Variants in ALDH1L2 observed in about 807,000 individuals in gnomAD.
The protein encoded by ALDH1L2 is mitochondrial 10-formyltetrahydrofolate dehydrogenase.
A neutral mutation model predicts 111.0 loss-of-function variants in ALDH1L2; 91 were observed. The ratio of observed to expected loss-of-function variants is 0.82; its 90% CI spans 0.69 to 0.98. ALDH1L2 has a LOEUF of 0.98. Ranked by LOEUF, ALDH1L2 falls within the 50% of genes least tolerant of loss-of-function variation. ALDH1L2 has a pLI of 0.00. For missense variants in ALDH1L2, 995 were observed against 1,126.8 expected (o/e 0.88, Z 1.67); for synonymous variants, 374 against 392.6 (o/e 0.95, Z 0.56).
At chr12:105,078,114 G>A (rs1878160009) in intron 1 of ALDH1L2, among the ~76,000 whole-genome samples, 1 of 152,164 alleles carries the variant, frequency 6.6e-6, no homozygotes, top group Admixed American at 6.5e-5. Flanking sequence ...TGGCAGGGGT[G>A]TTTTATTTGG....
Position 105,026,603 on chromosome 12 carries a change from C to T in ALDH1L2, c.2658G>A (p.Lys886=). Residue 886 remains lysine, a synonymous_variant, in exon 22 of 23, where the codon AAG becomes AAA. Transcript: ENST00000258494. Reference sequence around the variant, plus strand: ...CGCCAAATGGGGCCGCCACATCTGTCTTGTTGTATGTGTTAATAAAAACAG... The same window carrying T: ...CGCCAAATGGGGCCGCCACATCTGTTTTGTTGTATGTGTTAATAAAAACAG... The part of the protein sequence containing the change: ...AGTVFINTYN[K]TDVAAPFGGV... The T allele has an allele frequency of 6.2e-7, 1 of 1,614,130 alleles. No homozygotes were observed. The highest frequency in any genetic ancestry group is 8.5e-7 in the Non-Finnish European group (1 of 1,180,006).
chr12:105,069,338 A>T (rs181276591), intron 3 of ALDH1L2, among the ~76,000 whole-genome samples: 1 of 152,300 alleles, frequency 6.6e-6, no homozygotes, highest in African/African-American at 2.4e-5. Context: ...GACAGAGCTG[A>T]TTATTAATTC....
chr12:105,030,296 T>G, intron 21 of ALDH1L2, 28 bp downstream of exon 21: 3 of 1,588,178 alleles, frequency 1.9e-6, no homozygotes, highest in Non-Finnish European at 2.6e-6. Flanking sequence ...AGTCAAAACC[T>G]AAGTTACATT....
In ALDH1L2 at chr12:105,024,357, A is replaced by C; in HGVS notation, c.*67T>G. On this transcript the variant is annotated 3_prime_UTR_variant, in exon 23 of 23. Transcript: ENST00000258494. The stretch of plus-strand genomic sequence containing the variant: ...GACACCTCCTGCCTCAACACACCCA[A>C]TCTTCTTAAGTGTGTCCAGAGTTGT... 6.3e-7 allele frequency: 1 copy of C among 1,584,738 alleles called. No individual in the cohort carries two copies.
At position 105,024,485 on chromosome 12, in the gene ALDH1L2, G is replaced by A. The variant is rs752947591; in HGVS notation, c.2717-6C>T. Reference sequence around the variant, plus strand: ...TTCATTTAGAGCTTCCTCACCTAGGGAAGAGAAAAGCAGTTGACAGACCAC... The same window carrying A: ...TTCATTTAGAGCTTCCTCACCTAGGAAAGAGAAAAGCAGTTGACAGACCAC... On this transcript the variant is annotated splice_polypyrimidine_tract_variant and splice_region_variant and intron_variant, in intron 22 of 22. Coordinates refer to ENST00000258494, the MANE Select transcript of ALDH1L2 (RefSeq NM_001034173.4). The A allele has an allele frequency of 3.1e-6, 5 of 1,613,754 alleles. No homozygotes were observed. The South Asian group carries it at 5.5e-5, about 18-fold the overall frequency.
Position 105,036,512 on chromosome 12 carries a change from TTTTATATATATATATA to T in ALDH1L2, c.2145+1575_2145+1590del, listed in dbSNP as rs1471537651. 4.3e-4 allele frequency among the ~76,000 whole-genome samples: 24 copies of T among 56,094 alleles called. 3 individuals are homozygous for T. The highest frequency in any genetic ancestry group is 1.4e-3 in the African/African-American group (23 of 16,620). The allele number at this position is 56,094 out of a possible 152,430, so 36.8% of individuals were successfully genotyped here. On this transcript the variant is annotated intron_variant, in intron 18 of 22. Coordinates refer to ENST00000258494, the MANE Select transcript of ALDH1L2 (RefSeq NM_001034173.4). ...GTATATTTATATATGTATATATATATTTTATATATATATATATATATATATATATATATATATATAT... is the reference window on the plus strand; with the variant it reads ...GTATATTTATATATGTATATATATATTATATATATATATATATATATATAT...
chr12:105,062,854 G>C (rs1877082219), intron 7 of ALDH1L2, 34 bp downstream of exon 7: 1 of 1,596,260 alleles, frequency 6.3e-7, no homozygotes, highest in Non-Finnish European at 8.5e-7. Context: ...AAAATCAAAA[G>C]GTTATTTCAT....
At chr12:105,030,271 A>G in intron 21 of ALDH1L2, 53 bp downstream of exon 21, 1 of 1,450,604 alleles carries the variant, frequency 6.9e-7, no homozygotes, top group Non-Finnish European at 9.6e-7. Flanking sequence ...GGCAAAGGGG[A>G]AAAATGACTT....
chr12:105,052,010 C>T, intron 12 of ALDH1L2, 80 bp downstream of exon 12: 4 of 1,276,350 alleles, frequency 3.1e-6, no homozygotes, highest in Admixed American at 6.5e-5. Context: ...GAATTTGAGA[C>T]CAGCCTGGCC....
intron 15 of ALDH1L2, among the ~76,000 whole-genome samples, chr12:105,046,507 A>T (rs1001228316): frequency 6.6e-6 from 1 of 151,914 alleles, no homozygotes; most frequent in Non-Finnish European, 1.5e-5. Context: ...TATTATGAAA[A>T]TTTTAAATTG....
chr12:105,040,825 A>G (rs1875486710), intron 15 of ALDH1L2, 131 bp from the exon 16 acceptor site: 2 of 738,748 alleles, frequency 2.7e-6, no homozygotes, highest in South Asian at 1.8e-5. Flanking sequence ...TTTTTTTGCC[A>G]TAATTTCAGA....
chr12:105,036,515 TATA>T (rs1875131440), intron 18 of ALDH1L2, among the ~76,000 whole-genome samples: 3 of 3,234 alleles, frequency 9.3e-4, no homozygotes, highest in Non-Finnish European at 1.4e-3. Context: ...ATATATATTT[TATA>T]TATATATATA....
intron 2 of ALDH1L2, among the ~76,000 whole-genome samples, chr12:105,073,410 A>AGGGG (rs1201418823): frequency 2.4e-5 from 1 of 42,238 alleles, no homozygotes; most frequent in Non-Finnish European, 7.8e-5. Context: ...ACAAATGGAA[A>AGGGG]GGGGGTCCTG....
In ALDH1L2 at chr12:105,065,674, T is replaced by A. The variant is rs555276078; in HGVS notation, c.697-318A>T. Among the ~76,000 whole-genome samples the A allele has an allele frequency of 1.7e-3, 258 of 152,156 alleles. 2 individuals carry two copies. The highest frequency in any genetic ancestry group is 5.7e-3 in the African/African-American group (236 of 41,520). On this transcript the variant is annotated intron_variant, in intron 5 of 22. Transcript: ENST00000258494. ...TGTTGGGTTTTTATTAGGTTGAACTTTTTTTTGAAGTTCCCACCTCTGTTA... is the reference window on the plus strand; with the variant it reads ...TGTTGGGTTTTTATTAGGTTGAACTATTTTTTGAAGTTCCCACCTCTGTTA...
chr12:105,079,657 T>C (rs1878241200), intron 1 of ALDH1L2, among the ~76,000 whole-genome samples: 1 of 152,174 alleles, frequency 6.6e-6, no homozygotes, highest in Non-Finnish European at 1.5e-5. Flanking sequence ...CAGAATTTAC[T>C]ATAATATTTT....
rs116232826 is a variant in ALDH1L2, at chr12:105,044,681, A to G, written c.1863+2029T>C. Among the ~76,000 whole-genome samples the G allele has an allele frequency of 3.1e-3, 465 of 151,660 alleles. 3 individuals are homozygous for G. The highest frequency in any genetic ancestry group is 0.011 in the African/African-American group (444 of 41,338). On this transcript the variant is annotated intron_variant, in intron 15 of 22. Transcript: ENST00000258494. ...CAATATCTATCACACAAATACATGT[A>G]TCTTTTAACTGAGGGATTCTGCTAT...
In ALDH1L2 at chr12:105,052,098, C is replaced by A. The variant is rs1450451965; in HGVS notation, c.1527G>T (p.Leu509Phe). Residue 509 changes from leucine (L) to phenylalanine (F), a missense_variant, in exon 12 of 23, where the codon TTG becomes TTT. Transcript: ENST00000258494. ...ATAAAAAATAGAAATACCTATACAT[C>A]AATCTTCCTCTTTCTCTTGCATTCA... is the stretch of plus-strand genomic sequence containing the variant. ...GRMNARERGR[L>F]MYRLADLLEE... 6.2e-7 allele frequency: 1 copy of A among 1,602,610 alleles called. No individual in the cohort carries two copies. The highest frequency in any genetic ancestry group is 1.1e-5 in the South Asian group (1 of 88,514).
intron 5 of ALDH1L2, among the ~76,000 whole-genome samples, chr12:105,066,136 A>G (rs1877338844): frequency 6.6e-6 from 1 of 152,088 alleles, no homozygotes; most frequent in African/African-American, 2.4e-5. Context: ...CAGATTTTTT[A>G]AGGAATATCC....
intron 15 of ALDH1L2, among the ~76,000 whole-genome samples, chr12:105,043,135 A>G (rs1351272656): frequency 6.6e-6 from 1 of 152,156 alleles, no homozygotes; most frequent in African/African-American, 2.4e-5. Flanking sequence ...TCACAAAGGT[A>G]CAGGCAGTGT....
Sources: gnomAD v4.1 joint callset for allele counts (sites outside exome capture counted in the v4.1 genomes callset) on GRCh38, gnomAD v4.1.1 for gene constraint, MANE v1.5 for transcripts, NCBI Gene and HGNC (gene_info 2026-07-23, HGNC 2026-07-21) for gene names.